The following BICD1 variants were observed in gnomAD, a reference collection of about 807,000 sequenced individuals.
BICD1 encodes BICD cargo adaptor 1.
In BICD1, 35 loss-of-function variants were observed where a neutral mutation model predicts 92.5. The observed-to-expected ratio is 0.38, with a 90% CI of 0.29 to 0.50. The LOEUF (loss-of-function observed/expected upper bound fraction) is 0.50, where lower values mean the gene tolerates loss of function less well. Ranked by LOEUF, BICD1 falls within the 20% of genes least tolerant of loss-of-function variation. The pLI is 0.93. For missense variants in BICD1, 950 were observed against 1,189.8 expected (o/e 0.80, Z 2.97); for synonymous variants, 429 against 465.1 (o/e 0.92, Z 1.00).
At chr12:32,319,010 T>G (rs1948579698) in intron 4 of BICD1, among the ~76,000 whole-genome samples, 1 of 152,248 alleles carries the variant, frequency 6.6e-6, no homozygotes, top group African/African-American at 2.4e-5. Context: ...CTATACTTGC[T>G]TATTAGTCCT....
At chr12:32,171,450 T>C (rs1447388357) in intron 1 of BICD1, among the ~76,000 whole-genome samples, 3 of 152,204 alleles carry the variant, frequency 2.0e-5, no homozygotes, top group Non-Finnish European at 4.4e-5. Context: ...CAGAGCTAGA[T>C]GGTGATGCTT....
chr12:32,178,377 C>T (rs1039294156), intron 1 of BICD1, among the ~76,000 whole-genome samples: 1 of 151,976 alleles, frequency 6.6e-6, no homozygotes, highest in Non-Finnish European at 1.5e-5. Context: ...TCAATCAGTT[C>T]TCCACTTGAT....
chr12:32,220,041 T>A (rs996468921), intron 2 of BICD1, among the ~76,000 whole-genome samples: 16 of 152,208 alleles, frequency 1.1e-4, no homozygotes, highest in African/African-American at 3.9e-4. Context: ...GCTAGCCATA[T>A]GTAGAAAGCT....
At chr12:32,326,098 A>AG (rs1197783903) in intron 4 of BICD1, among the ~76,000 whole-genome samples, 1 of 151,052 alleles carries the variant, frequency 6.6e-6, no homozygotes, top group South Asian at 2.1e-4. Flanking sequence ...AAAAAAAAAA[A>AG]AAAGAAAGTT....
intron 1 of BICD1, among the ~76,000 whole-genome samples, chr12:32,199,734 TGG>T (rs1265053839): frequency 6.6e-6 from 1 of 152,176 alleles, no homozygotes; most frequent in East Asian, 1.9e-4. Context: ...GTCCAGCTGC[TGG>T]GGTGATTACC....
At chr12:32,318,134 G>A (rs1410403051) in intron 4 of BICD1, among the ~76,000 whole-genome samples, 1 of 152,064 alleles carries the variant, frequency 6.6e-6, no homozygotes, top group African/African-American at 2.4e-5. Flanking sequence ...ATAGTTTGAA[G>A]TCAGGTAGCC....
chr12:32,275,904 G>T (rs1483353698), intron 2 of BICD1, among the ~76,000 whole-genome samples: 1 of 152,028 alleles, frequency 6.6e-6, no homozygotes, highest in Non-Finnish European at 1.5e-5. Context: ...TCATCGCATG[G>T]CCCAAGATTC....
At position 32,382,028 on chromosome 12, in the gene BICD1, A is replaced by G. The variant is rs1000452416; in HGVS notation, c.*4401A>G. The G allele has an allele frequency of 6.6e-6, 1 of 152,116 alleles. No individual in the cohort carries two copies. Among genetic ancestry groups the G allele is most frequent in the Non-Finnish European group, 1.5e-5 (1 of 67,974 alleles). 9.4% of individuals were successfully genotyped at this position (152,116 alleles called of 1,614,324 possible). ...CTTTTTTACCTTAAAATCAACTTCT[A>G]TGGAACTACAAGATCAATCTAGCTC... On this transcript the variant is annotated 3_prime_UTR_variant, in exon 10 of 10. Coordinates refer to ENST00000652176, the MANE Select transcript of BICD1 (RefSeq NM_001714.4).
chr12:32,278,892 TAAA>T (rs1947345565), intron 2 of BICD1, among the ~76,000 whole-genome samples: 1 of 151,092 alleles, frequency 6.6e-6, no homozygotes, highest in Non-Finnish European at 1.5e-5. Context: ...AATAAATAAA[TAAA>T]TTGCAGCCCA....
chr12:32,306,486 C>T (rs1565658460), intron 4 of BICD1, among the ~76,000 whole-genome samples: 1 of 151,890 alleles, frequency 6.6e-6, no homozygotes, highest in African/African-American at 2.4e-5. Flanking sequence ...CTTCGTGATC[C>T]GCCCGCCTTG....
chr12:32,171,982 C>T (rs1943957464), intron 1 of BICD1, among the ~76,000 whole-genome samples: 1 of 121,898 alleles, frequency 8.2e-6, no homozygotes, highest in African/African-American at 3.0e-5. Context: ...CACACACACA[C>T]ACACACACTA....
chr12:32,274,351 T>C (rs1947223359), intron 2 of BICD1, among the ~76,000 whole-genome samples: 1 of 152,174 alleles, frequency 6.6e-6, no homozygotes, highest in Admixed American at 6.5e-5. Context: ...AGTCATGGAA[T>C]ACAGAACAGG....
chr12:32,131,483 T>C (rs1942544860), intron 1 of BICD1, among the ~76,000 whole-genome samples: 1 of 152,208 alleles, frequency 6.6e-6, no homozygotes, highest in Non-Finnish European at 1.5e-5. Flanking sequence ...ACTCTGAGGC[T>C]TACAAAAATA....
At chr12:32,314,286 T>A (rs943317418) in intron 4 of BICD1, among the ~76,000 whole-genome samples, 1 of 152,224 alleles carries the variant, frequency 6.6e-6, no homozygotes, top group African/African-American at 2.4e-5. Context: ...GGGGAGTTAA[T>A]ACTAGAGGTG....
Position 32,377,572 on chromosome 12 carries a change from A to G in BICD1, c.2873A>G (p.His958Arg), listed in dbSNP as rs748517592. The G allele has an allele frequency of 1.4e-5, 23 of 1,614,074 alleles. No individual in the cohort carries two copies. Among genetic ancestry groups the G allele is most frequent in the Non-Finnish European group, 1.9e-5 (22 of 1,180,000 alleles). ...ACAGCTCTCCCTGAGGAGCAGCCAC[A>G]TTCCAGCTCCCAGTGCGCCCCTCTC... ...PDTALPEEQP[H>R]SSSQCAPLHC... Residue 958 changes from histidine (H) to arginine (R), a missense_variant, in exon 10 of 10, where the codon CAT (histidine) becomes CGT (arginine). His to Arg is a conservative substitution (Grantham distance 29). This residue lies in a region of BICD1 where 179 missense variants were observed against 186.7 expected (regional missense o/e 0.96). Transcript: ENST00000652176.
chr12:32,221,770 G>C (rs1450561505), intron 2 of BICD1, among the ~76,000 whole-genome samples: 1 of 152,044 alleles, frequency 6.6e-6, no homozygotes, highest in Non-Finnish European at 1.5e-5. Flanking sequence ...CAAATTAATA[G>C]TTAATCTTAA....
At chr12:32,360,053 T>C (rs1278896923) in intron 8 of BICD1, among the ~76,000 whole-genome samples, 1 of 151,850 alleles carries the variant, frequency 6.6e-6, no homozygotes, top group Non-Finnish European at 1.5e-5. Flanking sequence ...GGCGTGGTGG[T>C]GGGTGCCTGT....
intron 6 of BICD1, among the ~76,000 whole-genome samples, chr12:32,336,552 G>A (rs1307527406): frequency 6.6e-6 from 1 of 152,132 alleles, no homozygotes; most frequent in Non-Finnish European, 1.5e-5. Flanking sequence ...AAGACCAACA[G>A]CTGCAATCTA....
chr12:32,185,008 C>T (rs1406883562), intron 1 of BICD1, among the ~76,000 whole-genome samples: 2 of 152,048 alleles, frequency 1.3e-5, no homozygotes, highest in Non-Finnish European at 2.9e-5. Context: ...TTTTATGTAC[C>T]TGGACCAATA....
Sources: gnomAD v4.1 joint callset for allele counts (sites outside exome capture counted in the v4.1 genomes callset) on GRCh38, gnomAD v4.1.1 for gene constraint, gnomAD v4.1.1 regional missense constraint, MANE v1.5 for transcripts, NCBI Gene and HGNC (gene_info 2026-07-23, HGNC 2026-07-21) for gene names.